Variants in CYB5A observed in about 807,000 individuals in gnomAD.
The protein encoded by CYB5A is cytochrome b5 type A.
CYB5A carries 10 observed loss-of-function variants against 16.2 expected under a neutral mutation model. That is an observed-to-expected ratio of 0.62 (90% CI 0.38 to 1.04). CYB5A has a LOEUF of 1.04. Ranked by LOEUF, CYB5A falls within the 50% of genes least tolerant of loss-of-function variation. The probability of loss-of-function intolerance (pLI) is 0.01; values close to 1 mark genes in which losing one functional copy is unlikely to be tolerated. For missense variants in CYB5A, 161 were observed against 165.9 expected (o/e 0.97, Z 0.16); for synonymous variants, 62 against 57.0 (o/e 1.09, Z -0.40).
At chr18:74,283,847 C>A (rs1219741316) in intron 1 of CYB5A, among the ~76,000 whole-genome samples, 1 of 152,190 alleles carries the variant, frequency 6.6e-6, no homozygotes, top group Non-Finnish European at 1.5e-5. Flanking sequence ...GTGGGACTTG[C>A]TGAGCAAGCT....
At chr18:74,291,630 G>T in intron 1 of CYB5A, 117 bp downstream of exon 1, 1 of 1,489,866 alleles carries the variant, frequency 6.7e-7, no homozygotes, top group East Asian at 2.3e-5. Flanking sequence ...AGCGAACTCG[G>T]GGGGCGCGCC....
intron 1 of CYB5A, among the ~76,000 whole-genome samples, chr18:74,281,260 T>C (rs938021598): frequency 1.3e-5 from 2 of 152,184 alleles, no homozygotes; most frequent in African/African-American, 2.4e-5. Flanking sequence ...GTGAGAAGCC[T>C]ACTGGACATC....
At position 74,253,623 on chromosome 18, in the gene CYB5A, G is replaced by A. The variant is rs142020276; in HGVS notation, c.366C>T (p.Ala122=). ...TGTATAGGCGATACATCAAGGCGAC[G>A]GCCACTGCAGAGATGGCAGGGATCA... ...NWVIPAISAV[A]VALMYRLYMA... is the part of the protein sequence containing the mutation. Residue 122 remains alanine, a synonymous_variant, in exon 5 of 5, where the codon GCC becomes GCT. Transcript: ENST00000340533. The A allele has an allele frequency of 6.8e-6, 11 of 1,613,398 alleles. No individual in the cohort carries two copies. The Admixed American group carries it at 1.0e-4, about 15-fold the overall frequency.
At chr18:74,263,537 C>A in intron 1 of CYB5A, 60 bp from the exon 2 acceptor site, 2 of 1,490,506 alleles carry the variant, frequency 1.3e-6, no homozygotes, top group Non-Finnish European at 1.9e-6. Flanking sequence ...TAAGAGAAAA[C>A]GGCCAGAATT....
intron 1 of CYB5A, among the ~76,000 whole-genome samples, chr18:74,269,480 C>T (rs1982585217): frequency 8.1e-6 from 1 of 123,306 alleles, no homozygotes; most frequent in Non-Finnish European, 1.9e-5. Flanking sequence ...CCAAGGAAAG[C>T]AGTGGAAGAG....
At chr18:74,272,684 C>T (rs766932057) in intron 1 of CYB5A, among the ~76,000 whole-genome samples, 1 of 152,088 alleles carries the variant, frequency 6.6e-6, no homozygotes, top group Non-Finnish European at 1.5e-5. Flanking sequence ...TTTGGGAGGC[C>T]GAGGTGGGCA....
At chr18:74,259,822 C>T (rs1982127539) in intron 3 of CYB5A, 2 of 152,158 alleles carry the variant, frequency 1.3e-5, no homozygotes, top group Non-Finnish European at 2.9e-5. Flanking sequence ...CAAATGAACT[C>T]ACAGCAAGGA....
Position 74,251,849 on chromosome 18 carries a change from T to C in CYB5A, c.*1735A>G, listed in dbSNP as rs775485215. 1.3e-5 allele frequency: 2 copies of C among 152,238 alleles called. No individual in the cohort carries two copies. The highest frequency in any genetic ancestry group is 6.5e-5 in the Admixed American group (1 of 15,288). 9.4% of individuals were successfully genotyped at this position (152,238 alleles called of 1,614,324 possible). ...TGATAAAAATGTCAAAGTTCAACTG[T>C]TATGTTTCTTAACGATATACAGATG... On this transcript the variant is annotated 3_prime_UTR_variant, in exon 5 of 5. Coordinates refer to ENST00000340533, the MANE Select transcript of CYB5A (RefSeq NM_148923.4).
At chr18:74,261,302 T>C in intron 2 of CYB5A, 1 of 324,008 alleles carries the variant, frequency 3.1e-6, no homozygotes, top group Non-Finnish European at 6.0e-6. Context: ...CATTTGAGAT[T>C]GTGCATGTAT....
At chr18:74,291,643 G>C in intron 1 of CYB5A, 104 bp downstream of exon 1, 1 of 1,546,270 alleles carries the variant, frequency 6.5e-7, no homozygotes, top group Non-Finnish European at 8.8e-7. Flanking sequence ...GGCGCGCCTA[G>C]GCGTAGGTAT....
intron 4 of CYB5A, among the ~76,000 whole-genome samples, chr18:74,255,136 G>A (rs1981922783): frequency 6.6e-6 from 1 of 152,174 alleles, no homozygotes; most frequent in Non-Finnish European, 1.5e-5. Context: ...ACGGACTGAG[G>A]CAGTTAAATT....
chr18:74,256,810 C>T (rs1437072027), intron 3 of CYB5A: 1 of 1,612,434 alleles, frequency 6.2e-7, no homozygotes, highest in East Asian at 2.2e-5. Context: ...GCAAGCAAAG[C>T]AGTTATGAGA....
intron 1 of CYB5A, among the ~76,000 whole-genome samples, chr18:74,277,312 G>A (rs373882994): frequency 1.6e-4 from 24 of 152,266 alleles, no homozygotes; most frequent in East Asian, 1.4e-3. Context: ...CTCTGTGGAG[G>A]GGCCAGCATC....
intron 1 of CYB5A, among the ~76,000 whole-genome samples, chr18:74,290,500 C>G (rs1983491891): frequency 6.6e-6 from 1 of 152,200 alleles, no homozygotes; most frequent in African/African-American, 2.4e-5. Context: ...CCGCCTCAGC[C>G]TCCCAAAGTG....
chr18:74,256,448 C>T (rs989512278), intron 3 of CYB5A: 3 of 218,618 alleles, frequency 1.4e-5, no homozygotes, highest in Admixed American at 5.2e-5. Flanking sequence ...CTGTTTTTAT[C>T]CTCCAGAGCT....
At chr18:74,257,292 C>A in intron 3 of CYB5A, 1 of 184,370 alleles carries the variant, frequency 5.4e-6, no homozygotes, top group South Asian at 1.1e-4. Context: ...TACTCTGGCA[C>A]CAGCATCATC....
chr18:74,252,633 T>C lies in CYB5A; in HGVS notation c.*951A>G, dbSNP rs1422881237. The C allele has an allele frequency of 6.6e-6, 1 of 152,212 alleles. No individual in the cohort carries two copies. The highest frequency in any genetic ancestry group is 2.4e-5 in the African/African-American group (1 of 41,462). 9.4% of individuals were successfully genotyped at this position (152,212 alleles called of 1,614,324 possible). On this transcript the variant is annotated 3_prime_UTR_variant, in exon 5 of 5. Coordinates refer to ENST00000340533, the MANE Select transcript of CYB5A (RefSeq NM_148923.4). ...GACAGTTGCGATGCCCTCTCATGGT[T>C]CATGTGTTTTTAAGTTGCTGATGTT...
At chr18:74,286,744 G>C (rs1409309028) in intron 1 of CYB5A, among the ~76,000 whole-genome samples, 2 of 152,190 alleles carry the variant, frequency 1.3e-5, no homozygotes, top group Non-Finnish European at 2.9e-5. Context: ...GCACTTATCA[G>C]CCATCTTCAC....
At position 74,253,272 on chromosome 18, in the gene CYB5A, C is replaced by A. The variant is rs150643333; in HGVS notation, c.*312G>T. 6 of 343,866 alleles carry A rather than the reference C, an allele frequency of 1.7e-5. No homozygotes were observed. The East Asian group carries it at 4.6e-4, about 26-fold the overall frequency. The allele number at this position is 343,866 out of a possible 1,614,324, so 21.3% of individuals were successfully genotyped here. ...ATTCTAAACATTAAAGACAATTATACACCAAACAGGCAAACACGGTGCATA... is the reference window on the plus strand; with the variant it reads ...ATTCTAAACATTAAAGACAATTATAAACCAAACAGGCAAACACGGTGCATA... On this transcript the variant is annotated 3_prime_UTR_variant, in exon 5 of 5. Transcript: ENST00000340533.
Sources: gnomAD v4.1 joint callset for allele counts (sites outside exome capture counted in the v4.1 genomes callset) on GRCh38, gnomAD v4.1.1 for gene constraint, MANE v1.5 for transcripts, NCBI Gene and HGNC (gene_info 2026-07-23, HGNC 2026-07-21) for gene names.